Variants in CLSTN1 observed in about 807,000 individuals in gnomAD.
CLSTN1 encodes calsyntenin-1.
In CLSTN1, 28 loss-of-function variants were observed where a neutral mutation model predicts 108.3. The observed-to-expected ratio is 0.26, with a 90% CI of 0.19 to 0.35. The LOEUF (loss-of-function observed/expected upper bound fraction) is 0.35. CLSTN1 is among the 10% of genes least tolerant of loss of function. The pLI, the probability that CLSTN1 is intolerant of heterozygous loss-of-function variation, is 1.00. For missense variants in CLSTN1, 1,157 were observed against 1,302.6 expected (o/e 0.89, Z 1.72); for synonymous variants, 524 against 534.9 (o/e 0.98, Z 0.28).
At chr1:9,738,485 TC>T (rs1650806564) in intron 10 of CLSTN1, among the ~76,000 whole-genome samples, 1 of 152,050 alleles carries the variant, frequency 6.6e-6, no homozygotes, top group African/African-American at 2.4e-5. Flanking sequence ...CTGTGCTACC[TC>T]CACACACACC....
intron 1 of CLSTN1, among the ~76,000 whole-genome samples, chr1:9,805,443 A>G (rs533449419): frequency 6.6e-6 from 1 of 152,344 alleles, no homozygotes; most frequent in South Asian, 2.1e-4. Flanking sequence ...CTTCAAACAG[A>G]TAACAGACAA....
At chr1:9,778,222 C>T (rs1293056655) in intron 1 of CLSTN1, among the ~76,000 whole-genome samples, 1 of 73,444 alleles carries the variant, frequency 1.4e-5, no homozygotes, top group East Asian at 4.7e-4. Flanking sequence ...TTCTCCTCCC[C>T]AACACACACA....
rs1650213503 is a variant in CLSTN1 at position 9,729,457 on chromosome 1, G to A, written c.*1051C>T. On this transcript the variant is annotated 3_prime_UTR_variant, in exon 19 of 19. Coordinates refer to ENST00000377298, the MANE Select transcript of CLSTN1 (RefSeq NM_001009566.3). Reference sequence around the variant, plus strand: ...GGGAGGAGAGAGGAGAGAACAGGCTGTTTTGGAAAATTCCAGCACTTTGAC... The same window carrying A: ...GGGAGGAGAGAGGAGAGAACAGGCTATTTTGGAAAATTCCAGCACTTTGAC... The A allele has an allele frequency of 6.6e-6, 1 of 151,800 alleles. No homozygotes were observed. The highest frequency in any genetic ancestry group is 6.6e-5 in the Admixed American group (1 of 15,212). The allele number at this position is 151,800 out of a possible 1,614,324, so 9.4% of individuals were successfully genotyped here.
At chr1:9,820,656 T>C (rs1655158275) in intron 1 of CLSTN1, among the ~76,000 whole-genome samples, 1 of 152,200 alleles carries the variant, frequency 6.6e-6, no homozygotes, top group Non-Finnish European at 1.5e-5. Context: ...CTGTTATCCA[T>C]CCACCCATTC....
rs144905385 is a variant in CLSTN1, at chr1:9,732,722, C to T, written c.2427+679G>A. 4.2e-3 allele frequency among the ~76,000 whole-genome samples: 636 copies of T among 152,348 alleles called. 12 individuals carry two copies. In the East Asian group the frequency reaches 0.042, roughly 10 times the overall value. On this transcript the variant is annotated intron_variant, in intron 16 of 18. Transcript: ENST00000377298. ...CAGAGCAGGAGGAGCTACCCTCTAG[C>T]CTGTGTGGCCTGTGAGTCACCAGCG...
intron 1 of CLSTN1, among the ~76,000 whole-genome samples, chr1:9,773,658 A>G (rs1652796828): frequency 6.6e-6 from 1 of 152,196 alleles, no homozygotes; most frequent in Non-Finnish European, 1.5e-5. Flanking sequence ...CAAGGGAAAA[A>G]AAAAGACTGA....
At position 9,737,514 on chromosome 1, in the gene CLSTN1, C is replaced by A. The variant is rs768752395; in HGVS notation, c.1560G>T (p.Val520=). The A allele has an allele frequency of 5.0e-6, 8 of 1,614,026 alleles. No homozygotes were observed. The highest frequency in any genetic ancestry group is 6.8e-6 in the Non-Finnish European group (8 of 1,179,946). ...GVENDNETEP[V]TVASAGGDLH... is the part of the protein sequence containing the mutation. ...TCCAGCAACCTGCAGAGGCCACAGT[C>A]ACAGGCTCAGTTTCATTGTCATTTT... The change falls in exon 11 of 19, where the codon GTG becomes GTT. Residue 520 remains valine (V), a synonymous_variant. Coordinates refer to ENST00000377298, the MANE Select transcript of CLSTN1 (RefSeq NM_001009566.3).
chr1:9,773,339 G>A lies in CLSTN1; in HGVS notation c.147C>T (p.Asn49=), dbSNP rs772026402. The part of the protein sequence containing the change: ...EPTYHGIVTE[N]DNTVLLDPPL... Reference sequence around the variant, plus strand: ...GGGGGTCGAGGAGCACGGTGTTGTCGTTCTCTGTGACTATGCCGTGGTAGG... The same window carrying A: ...GGGGGTCGAGGAGCACGGTGTTGTCATTCTCTGTGACTATGCCGTGGTAGG... The change falls in exon 2 of 19, where the codon AAC becomes AAT. Residue 49 remains asparagine (N), a synonymous_variant. Coordinates refer to ENST00000377298, the MANE Select transcript of CLSTN1 (RefSeq NM_001009566.3). The A allele has an allele frequency of 1.9e-5, 30 of 1,614,032 alleles. No homozygotes were observed. In the East Asian group the frequency reaches 3.1e-4, roughly 17 times the overall value.
At chr1:9,787,070 G>A (rs1331624056) in intron 1 of CLSTN1, among the ~76,000 whole-genome samples, 2 of 151,214 alleles carry the variant, frequency 1.3e-5, no homozygotes, top group African/African-American at 4.8e-5. Context: ...AAGGGGAAGG[G>A]GCTGGGCTGA....
chr1:9,797,762 G>T (rs1243633218), intron 1 of CLSTN1, among the ~76,000 whole-genome samples: 1 of 151,880 alleles, frequency 6.6e-6, no homozygotes, highest in South Asian at 2.1e-4. Flanking sequence ...AGAGAGAGAG[G>T]GGAGGACAAG....
chr1:9,731,090 T>C (rs1557687583), intron 18 of CLSTN1, 116 bp downstream of exon 18: 1 of 1,247,590 alleles, frequency 8.0e-7, no homozygotes, highest in Non-Finnish European at 1.2e-6. Context: ...CCAGGCTTGC[T>C]GAGCAGATGA....
At chr1:9,779,132 G>A (rs1653116789) in intron 1 of CLSTN1, among the ~76,000 whole-genome samples, 1 of 152,202 alleles carries the variant, frequency 6.6e-6, no homozygotes, top group East Asian at 1.9e-4. Flanking sequence ...GGAGGTATGT[G>A]TGAGGCTGTC....
intron 1 of CLSTN1, among the ~76,000 whole-genome samples, chr1:9,802,228 C>G (rs1654303628): frequency 6.6e-6 from 1 of 152,188 alleles, no homozygotes; most frequent in Non-Finnish European, 1.5e-5. Flanking sequence ...TTAGGCAGAA[C>G]TGAGACCCAG....
At chr1:9,789,237 T>A (rs914434961) in intron 1 of CLSTN1, among the ~76,000 whole-genome samples, 1 of 151,336 alleles carries the variant, frequency 6.6e-6, no homozygotes, top group Non-Finnish European at 1.5e-5. Flanking sequence ...GGTGATTGTA[T>A]CTTTGTGTTT....
At chr1:9,808,407 T>C (rs921079741) in intron 1 of CLSTN1, among the ~76,000 whole-genome samples, 26 of 152,328 alleles carry the variant, frequency 1.7e-4, no homozygotes, top group Non-Finnish European at 2.8e-4. Flanking sequence ...TAAATATGTT[T>C]CTGACAGTCA....
intron 1 of CLSTN1, among the ~76,000 whole-genome samples, chr1:9,822,491 G>T (rs1447600942): frequency 6.6e-6 from 1 of 151,886 alleles, no homozygotes; most frequent in African/African-American, 2.4e-5. Flanking sequence ...ATTCAAATAT[G>T]ACCATTTCAT....
intron 3 of CLSTN1, among the ~76,000 whole-genome samples, chr1:9,756,185 C>T (rs1178591448): frequency 3.3e-5 from 5 of 152,202 alleles, no homozygotes; most frequent in African/African-American, 1.2e-4. Flanking sequence ...TGCACTCCTT[C>T]CACAATTCCA....
In CLSTN1 at chr1:9,734,100, T is replaced by C; in HGVS notation, c.2153A>G (p.Asp718Gly). 1 of 1,614,138 alleles carries C rather than the reference T, an allele frequency of 6.2e-7. No individual in the cohort carries two copies. Among genetic ancestry groups the C allele is most frequent in the South Asian group, 1.1e-5 (1 of 91,080 alleles). Residue 718 changes from aspartate (D) to glycine (G), a missense_variant, in exon 15 of 19, where the codon GAT (aspartate) becomes GGT (glycine). Transcript: ENST00000377298. This position sits in a 1 kb window ranked among gnomAD's most constrained non-coding sequence, Gnocchi z 4.8. ...LVSEEIVHDL[D>G]TCEVTVEGEE... ...TCCCTCCACCGTGACCTCACAGGTA[T>C]CCAGGTCGTGCACGATCTCCTCGGA...
chr1:9,816,575 GGGTT>G (rs1156234632), intron 1 of CLSTN1, among the ~76,000 whole-genome samples: 2 of 56,706 alleles, frequency 3.5e-5, no homozygotes, highest in Non-Finnish European at 1.7e-4. Flanking sequence ...AGAAAAAGGT[GGGTT>G]TTTTTGTTTG....
Sources: allele counts gnomAD v4.1 joint callset (sites outside exome capture counted in the v4.1 genomes callset), GRCh38; gene constraint gnomAD v4.1.1; non-coding constraint Gnocchi (gnomAD v3.1); transcripts MANE v1.5; gene names NCBI Gene and HGNC (gene_info 2026-07-23, HGNC 2026-07-21).